Variants in PARP9 observed in about 807,000 individuals in gnomAD.
PARP9 encodes poly(ADP-ribose) polymerase family member 9.
Under a neutral mutation model 68.8 loss-of-function variants are expected in PARP9, and 48 were observed. That is an observed-to-expected ratio of 0.70 (90% CI 0.55 to 0.89). The LOEUF (loss-of-function observed/expected upper bound fraction) is 0.89, where lower values mean the gene tolerates loss of function less well. Among genes scored for constraint, PARP9 ranks in the 40% least tolerant of loss-of-function variants. The probability of loss-of-function intolerance (pLI) is 0.00; values close to 1 mark genes in which losing one functional copy is unlikely to be tolerated. For synonymous variants in PARP9, 309 were observed against 333.8 expected (o/e 0.93, Z 0.81); for missense variants, 806 against 969.3 (o/e 0.83, Z 2.24).
chr3:122,557,058 T>A (rs1265941139), intron 3 of PARP9, among the ~76,000 whole-genome samples: 1 of 152,180 alleles, frequency 6.6e-6, no homozygotes, highest in Non-Finnish European at 1.5e-5. Context: ...GGTCTCAAAC[T>A]CCTGATTTCA....
intron 8 of PARP9, among the ~76,000 whole-genome samples, chr3:122,539,564 T>TTTCTTTCTTTCC (rs2078006901): frequency 7.2e-6 from 1 of 139,798 alleles, no homozygotes; most frequent in Non-Finnish European, 1.5e-5. Context: ...TCTTTCTTTC[T>TTTCTTTCTTTCC]TTCTTTTTTT....
rs1458824570 is a variant in PARP9 at position 122,528,637 on chromosome 3, A to G, written c.2187T>C (p.Ala729=). The G allele has an allele frequency of 6.2e-7, 1 of 1,614,236 alleles. No homozygotes were observed. The highest frequency in any genetic ancestry group is 1.6e-4 in the Middle Eastern group (1 of 6,062). Residue 729 remains alanine (A), a synonymous_variant, in exon 11 of 11, where the codon GCT becomes GCC. Coordinates refer to ENST00000682323, the MANE Select transcript of PARP9 (RefSeq NM_001146105.2). The part of the protein sequence containing the change: ...AADKLIYVFE[A]EVLTGFFCQG... ...GGCAGAAGAAGCCTGTGAGTACTTC[A>G]GCCTCAAACACATAGATCAGCTTAT...
At chr3:122,554,711 C>T (rs1029726720) in intron 4 of PARP9, among the ~76,000 whole-genome samples, 1 of 152,136 alleles carries the variant, frequency 6.6e-6, no homozygotes, top group Non-Finnish European at 1.5e-5. Flanking sequence ...TCCAGATGGC[C>T]TGGCACTGAA....
At chr3:122,538,282 T>C (rs2077807353) in intron 8 of PARP9, among the ~76,000 whole-genome samples, 1 of 152,190 alleles carries the variant, frequency 6.6e-6, no homozygotes. Context: ...TGTCAGGCAC[T>C]GGGCTGGGCA....
At chr3:122,538,071 A>C (rs1184879585) in intron 8 of PARP9, among the ~76,000 whole-genome samples, 1 of 152,214 alleles carries the variant, frequency 6.6e-6, no homozygotes, top group Non-Finnish European at 1.5e-5. Flanking sequence ...TGACGAATTG[A>C]GGGGAACTCA....
In PARP9 at chr3:122,555,548, A is replaced by G; in HGVS notation, c.623T>C (p.Ile208Thr). 1.9e-6 allele frequency: 3 copies of G among 1,614,178 alleles called. No individual in the cohort carries two copies. Among genetic ancestry groups the G allele is most frequent in the Non-Finnish European group, 2.5e-6 (3 of 1,180,044 alleles). Reference protein sequence around the residue: ...TVAIPALSSGIFQFPLNLCTK... With the variant: ...TVAIPALSSGTFQFPLNLCTK... ...ACACAAATTCAGAGGGAACTGAAAA[A>G]TCCCAGAGCTCAAGGCTGGAATTGC... The change falls in exon 4 of 11, where the codon ATT becomes ACT. Residue 208 changes from isoleucine (I) to threonine (T), a missense_variant. Coordinates refer to ENST00000682323, the MANE Select transcript of PARP9 (RefSeq NM_001146105.2).
chr3:122,535,880 G>A (rs942136811), intron 10 of PARP9: 41 of 1,283,090 alleles, frequency 3.2e-5, no homozygotes, highest in South Asian at 4.5e-5. Flanking sequence ...TGTTCTCTGC[G>A]GATAGGACAC....
chr3:122,552,370 C>A, intron 5 of PARP9, 48 bp downstream of exon 5: 2 of 1,310,126 alleles, frequency 1.5e-6, no homozygotes, highest in Non-Finnish European at 2.1e-6. Context: ...AAAAAAAAGA[C>A]TGTATAGACT....
intron 1 of PARP9, among the ~76,000 whole-genome samples, chr3:122,562,347 T>A (rs4678197): frequency 3.7e-5 from 5 of 135,032 alleles, no homozygotes. Context: ...CACGCCTGGC[T>A]AATTTTTTTT....
chr3:122,558,227 G>T, intron 3 of PARP9: 2 of 1,370,494 alleles, frequency 1.5e-6, no homozygotes, highest in Non-Finnish European at 2.0e-6. Context: ...ACGGGCAAAG[G>T]AGAGGAATGG....
rs1429432455 is a variant in PARP9, at chr3:122,555,594, T to A, written c.577A>T (p.Asn193Tyr). 3.7e-6 allele frequency: 6 copies of A among 1,614,056 alleles called. No individual in the cohort carries two copies. In the African/African-American group the frequency reaches 4.0e-5, roughly 11 times the overall value. The change falls in exon 4 of 11, where the codon AAT (asparagine) becomes TAT (tyrosine). Residue 193 changes from asparagine to tyrosine, a missense_variant. Asn to Tyr is a moderately radical substitution (Grantham distance 143, BLOSUM62 -2). Transcript: ENST00000682323. ...VSILNYVIYK[N>Y]THIKTVAIPA... ...ATTGCTACTGTCTTAATGTGAGTAT[T>A]TTTATAGATGACATAATTCAGAATA...
At chr3:122,558,388 T>G in intron 3 of PARP9, 46 bp downstream of exon 3, 2 of 1,614,196 alleles carry the variant, frequency 1.2e-6, no homozygotes, top group Non-Finnish European at 1.7e-6. Flanking sequence ...AGGAAAGATC[T>G]GAGCAAAGAC....
chr3:122,535,919 A>G, intron 10 of PARP9: 1 of 1,392,674 alleles, frequency 7.2e-7, no homozygotes, highest in Non-Finnish European at 9.3e-7. Context: ...AAAACAGTGA[A>G]CCGTAGTTCT....
intron 9 of PARP9, 199 bp downstream of exon 9, chr3:122,536,735 G>C: frequency 3.2e-6 from 2 of 621,726 alleles, no homozygotes. Context: ...TGTGTGTCCT[G>C]ATGTCATTCC....
chr3:122,550,534 T>C (rs2079115700), intron 6 of PARP9, 50 bp downstream of exon 6: 2 of 1,385,378 alleles, frequency 1.4e-6, no homozygotes, highest in Non-Finnish European at 2.0e-6. Context: ...TGTTGCTGAA[T>C]GAATGAATGA....
At chr3:122,536,574 C>G in intron 9 of PARP9, 1 of 743,610 alleles carries the variant, frequency 1.3e-6, no homozygotes, top group Non-Finnish European at 2.1e-6. Flanking sequence ...AACAAAAATT[C>G]ACTGACCTAG....
At chr3:122,529,228 A>T (rs2077127125) in intron 10 of PARP9, among the ~76,000 whole-genome samples, 2 of 138,972 alleles carry the variant, frequency 1.4e-5, no homozygotes, top group Non-Finnish European at 3.1e-5. Context: ...ATAAGAGCGA[A>T]ACTCTTAAAA....
intron 10 of PARP9, chr3:122,535,382 T>C: frequency 1.0e-6 from 1 of 985,318 alleles, no homozygotes; most frequent in Non-Finnish European, 1.2e-6. Context: ...ACCAAGTCTA[T>C]TGGAATTGAC....
At chr3:122,538,792 A>G (rs867684037) in intron 8 of PARP9, among the ~76,000 whole-genome samples, 71 of 151,376 alleles carry the variant, frequency 4.7e-4, no homozygotes, top group African/African-American at 1.7e-3. Context: ...ACCTACATTC[A>G]CTGTTTCAAA....
Sources: gnomAD v4.1 joint callset for allele counts (sites outside exome capture counted in the v4.1 genomes callset) on GRCh38, gnomAD v4.1.1 for gene constraint, MANE v1.5 for transcripts, NCBI Gene and HGNC (gene_info 2026-07-23, HGNC 2026-07-21) for gene names.